The following GRM5 variants were observed in gnomAD, a reference collection of about 807,000 sequenced individuals.
The protein encoded by GRM5 is glutamate metabotropic receptor 5.
In GRM5, 19 loss-of-function variants were observed where a neutral mutation model predicts 83.1. That is an observed-to-expected ratio of 0.23 (90% CI 0.16 to 0.34). The LOEUF is 0.34. GRM5 is among the 10% of genes least tolerant of loss of function. The pLI, the probability that GRM5 is intolerant of heterozygous loss-of-function variation, is 1.00. For synonymous variants in GRM5, 675 were observed against 633.6 expected (o/e 1.07, Z -0.98); for missense variants, 1,160 against 1,588.3 (o/e 0.73, Z 4.58).
At chr11:88,572,608 C>T (rs1308389264) in intron 7 of GRM5, among the ~76,000 whole-genome samples, 1 of 152,080 alleles carries the variant, frequency 6.6e-6, no homozygotes, top group African/African-American at 2.4e-5. Flanking sequence ...TCTACCAAAT[C>T]TCAGAATCTT....
chr11:88,880,309 G>GA (rs1944931567), intron 2 of GRM5, among the ~76,000 whole-genome samples: 2 of 152,200 alleles, frequency 1.3e-5, no homozygotes, highest in Admixed American at 1.3e-4. Context: ...AAATAAAATG[G>GA]AATTGCAAAT....
chr11:89,006,612 G>C (rs1940533748), intron 2 of GRM5, among the ~76,000 whole-genome samples: 1 of 152,172 alleles, frequency 6.6e-6, no homozygotes, highest in South Asian at 2.1e-4. Context: ...TCTCACTAAA[G>C]TCATTTTCAC....
At chr11:89,011,522 G>GT (rs1177114561) in intron 2 of GRM5, among the ~76,000 whole-genome samples, 1 of 152,166 alleles carries the variant, frequency 6.6e-6, no homozygotes, top group African/African-American at 2.4e-5. Flanking sequence ...TTGTCCACAA[G>GT]TAAGAATTAA....
At chr11:88,722,542 G>T (rs951773863) in intron 3 of GRM5, among the ~76,000 whole-genome samples, 6 of 152,112 alleles carry the variant, frequency 3.9e-5, no homozygotes, top group African/African-American at 7.2e-5. Flanking sequence ...AGATCTCTCA[G>T]ATTTGTCCAG....
chr11:89,029,851 T>C (rs1238765584), intron 2 of GRM5, among the ~76,000 whole-genome samples: 3 of 152,176 alleles, frequency 2.0e-5, no homozygotes, highest in East Asian at 1.9e-4. Flanking sequence ...AGCTGGGTAG[T>C]AGACACTAAG....
At chr11:88,813,817 T>A (rs751925535) in intron 3 of GRM5, among the ~76,000 whole-genome samples, 11 of 152,164 alleles carry the variant, frequency 7.2e-5, no homozygotes, top group Admixed American at 6.5e-4. Context: ...TGGGTAGGAA[T>A]ATACAATACT....
At chr11:88,887,083 C>A (rs1162899962) in intron 2 of GRM5, among the ~76,000 whole-genome samples, 1 of 152,050 alleles carries the variant, frequency 6.6e-6, no homozygotes, top group Non-Finnish European at 1.5e-5. Context: ...CTTTTTGCAT[C>A]CCTCTACTAG....
chr11:88,560,507 G>A (rs1942729925), intron 8 of GRM5, among the ~76,000 whole-genome samples: 1 of 152,138 alleles, frequency 6.6e-6, no homozygotes, highest in Admixed American at 6.6e-5. Flanking sequence ...TTCAATGGAA[G>A]CTTGATTTTA....
chr11:88,967,250 T>TATATATATATATATACACAC (rs1202017538), intron 2 of GRM5, among the ~76,000 whole-genome samples: 1 of 2,092 alleles, frequency 4.8e-4, no homozygotes, highest in African/African-American at 1.7e-3. Context: ...TATATACACA[T>TATATATATATATATACACAC]ATATATATAT....
intron 8 of GRM5, among the ~76,000 whole-genome samples, chr11:88,556,036 T>C (rs187517298): frequency 8.2e-4 from 125 of 152,262 alleles, no homozygotes; most frequent in Middle Eastern, 6.8e-3. Flanking sequence ...GTTTGACTTC[T>C]AGAAAAGCAG....
chr11:89,034,215 T>G (rs35129958), intron 2 of GRM5, among the ~76,000 whole-genome samples: 1 of 151,848 alleles, frequency 6.6e-6, no homozygotes, highest in African/African-American at 2.4e-5. Flanking sequence ...AAGATATTAA[T>G]GGTGTGCAAC....
chr11:88,802,485 A>AC (rs35829832), intron 3 of GRM5, among the ~76,000 whole-genome samples: 74,277 of 151,844 alleles, frequency 0.49, 21,442 homozygotes, highest in African/African-American at 0.76. Context: ...AAATTCAACA[A>AC]CCTTCATGCT....
intron 7 of GRM5, among the ~76,000 whole-genome samples, chr11:88,583,509 A>C (rs1448413715): frequency 2.0e-5 from 3 of 152,216 alleles, no homozygotes; most frequent in Non-Finnish European, 4.4e-5. Flanking sequence ...GATAATGCTA[A>C]CTTCCTGTCA....
intron 1 of GRM5, among the ~76,000 whole-genome samples, chr11:89,060,137 A>G (rs1170179815): frequency 1.3e-5 from 2 of 152,070 alleles, no homozygotes; most frequent in East Asian, 1.9e-4. Flanking sequence ...TAGCCACACC[A>G]CAGAGTAAAG....
chr11:88,958,307 C>T (rs1387846478), intron 2 of GRM5, among the ~76,000 whole-genome samples: 1 of 150,646 alleles, frequency 6.6e-6, no homozygotes, highest in African/African-American at 2.4e-5. Flanking sequence ...GTATCCTGTT[C>T]ACCTCTCAGA....
In GRM5 at chr11:88,998,861, A is replaced by G. The variant is rs192358221; in HGVS notation, c.661+48351T>C. ...AAAATGGTGTATAAATCTACAAAGT[A>G]TACAGGCTTTTTCTATATATAGACA... is the stretch of plus-strand genomic sequence containing the variant. On this transcript the variant is annotated intron_variant, in intron 2 of 9. Transcript: ENST00000305447. 1.6e-4 allele frequency among the ~76,000 whole-genome samples: 25 copies of G among 152,336 alleles called. No homozygotes were observed. The East Asian group carries it at 4.4e-3, about 27-fold the overall frequency.
intron 2 of GRM5, among the ~76,000 whole-genome samples, chr11:89,015,962 C>T (rs981901603): frequency 1.3e-5 from 2 of 151,930 alleles, no homozygotes; most frequent in African/African-American, 4.8e-5. Context: ...TGAGGTCCTC[C>T]CTGTTTCTAA....
At chr11:88,816,219 CAAAAAAAAAAAAAA>C (rs1183223330) in intron 3 of GRM5, among the ~76,000 whole-genome samples, 680 of 44,980 alleles carry the variant, frequency 0.015, 7 homozygotes, top group Non-Finnish European at 0.023. Flanking sequence ...GACTCCGTCT[CAAAAAAAAAAAAAA>C]AAAAAAAAAA....
At chr11:88,894,877 C>T (rs1945207278) in intron 2 of GRM5, among the ~76,000 whole-genome samples, 1 of 151,922 alleles carries the variant, frequency 6.6e-6, no homozygotes, top group South Asian at 2.1e-4. Flanking sequence ...AGATTGTCAT[C>T]AACAAACCAG....
Sources: gnomAD v4.1 joint callset for allele counts (sites outside exome capture counted in the v4.1 genomes callset) on GRCh38, gnomAD v4.1.1 for gene constraint, MANE v1.5 for transcripts, NCBI Gene and HGNC (gene_info 2026-07-23, HGNC 2026-07-21) for gene names.